Variants in ARHGEF10L observed in about 807,000 individuals in gnomAD.
ARHGEF10L encodes the protein Rho guanine nucleotide exchange factor 10 like, also known as rho guanine nucleotide exchange factor 10-like protein.
In ARHGEF10L, 69 loss-of-function variants were observed where a neutral mutation model predicts 141.2. That is an observed-to-expected ratio of 0.49 (90% CI 0.40 to 0.60). ARHGEF10L has a LOEUF of 0.60. Among genes scored for constraint, ARHGEF10L ranks in the 20% least tolerant of loss-of-function variants. The probability of loss-of-function intolerance (pLI) is 0.00; values close to 1 mark genes in which losing one functional copy is unlikely to be tolerated. For synonymous variants in ARHGEF10L, 711 were observed against 718.5 expected, an observed-to-expected ratio of 0.99 and a Z score of 0.17; for missense variants, 1,482 against 1,734.3, an observed-to-expected ratio of 0.85 and a Z score of 2.58.
chr1:17,574,150 C>T (rs913476197), intron 1 of ARHGEF10L, among the ~76,000 whole-genome samples: 1 of 152,154 alleles, frequency 6.6e-6, no homozygotes, highest in Admixed American at 6.5e-5. Context: ...CCCCCTTCCA[C>T]CCTGGGCCTG....
intron 26 of ARHGEF10L, among the ~76,000 whole-genome samples, chr1:17,674,343 C>G (rs1367246001): frequency 3.3e-5 from 5 of 152,156 alleles, no homozygotes; most frequent in Non-Finnish European, 7.3e-5. Context: ...CTCCCAGGTA[C>G]CTGGGGAGAG....
At chr1:17,651,910 A>G (rs565288310) in intron 22 of ARHGEF10L, among the ~76,000 whole-genome samples, 1 of 152,146 alleles carries the variant, frequency 6.6e-6, no homozygotes, top group African/African-American at 2.4e-5. Flanking sequence ...CAGTCCAGAC[A>G]AATGTGCCCC....
chr1:17,636,269 C>T (rs2060997302), intron 18 of ARHGEF10L, among the ~76,000 whole-genome samples: 1 of 152,136 alleles, frequency 6.6e-6, no homozygotes, highest in Admixed American at 6.5e-5. Flanking sequence ...ACTGCCAGAC[C>T]CCTTCGAAAG....
chr1:17,641,515 C>T (rs771223893), intron 21 of ARHGEF10L, among the ~76,000 whole-genome samples: 1 of 151,796 alleles, frequency 6.6e-6, no homozygotes, highest in African/African-American at 2.4e-5. Flanking sequence ...CCCAGCTACT[C>T]GGGAGGCCAA....
At chr1:17,535,923 T>TC (rs1476987247), upstream of ARHGEF10L, among the ~76,000 whole-genome samples, 1 of 152,100 alleles carries the variant, frequency 6.6e-6, no homozygotes, top group Non-Finnish European at 1.5e-5. Context: ...GGACTCACAG[T>TC]CCGGGGGGGA....
At chr1:17,571,156 C>T (rs1040774209) in intron 1 of ARHGEF10L, among the ~76,000 whole-genome samples, 5 of 152,026 alleles carry the variant, frequency 3.3e-5, no homozygotes, top group Admixed American at 1.3e-4. Context: ...GGAGGAGCCG[C>T]GGTGTAGCCT....
Position 17,676,025 on chromosome 1 carries a change from T to TAG in ARHGEF10L, c.3009+11430_3009+11431insAG, listed in dbSNP as rs1412860459. Among the ~76,000 whole-genome samples the TAG allele has an allele frequency of 7.3e-3, 864 of 119,030 alleles. 8 individuals are homozygous for TAG. Among genetic ancestry groups the TAG allele is most frequent in the Non-Finnish European group, 0.012 (701 of 57,050 alleles). 78.1% of individuals were successfully genotyped at this position (119,030 alleles called of 152,430 possible). Reference sequence around the variant, plus strand: ...GGGTGCAGGTGTGGATGCAGGTATGTGTGCAGGTATGGATGCAGGTGTAGG... The same window carrying TAG: ...GGGTGCAGGTGTGGATGCAGGTATGTAGGTGCAGGTATGGATGCAGGTGTAGG... On this transcript the variant is annotated intron_variant, in intron 26 of 28. Transcript: ENST00000361221.
At chr1:17,672,293 C>T (rs1008888830) in intron 26 of ARHGEF10L, among the ~76,000 whole-genome samples, 2 of 149,030 alleles carry the variant, frequency 1.3e-5, no homozygotes, top group South Asian at 2.1e-4. Flanking sequence ...GAGTGTGATG[C>T]GGCATGAATA....
Position 17,653,605 on chromosome 1 carries a change from C to A in ARHGEF10L, c.2395-1031C>A, listed in dbSNP as rs187763360. Among the ~76,000 whole-genome samples the A allele has an allele frequency of 2.8e-3, 423 of 152,366 alleles. 3 individuals are homozygous for A. Among genetic ancestry groups the A allele is most frequent in the Admixed American group, 5.2e-3 (80 of 15,310 alleles). On this transcript the variant is annotated intron_variant, in intron 22 of 28. Coordinates refer to ENST00000361221, the MANE Select transcript of ARHGEF10L (RefSeq NM_018125.4). ...AGCCCAGAGGCCGGGCTTAGCGAAGCCCCCTGCTCTGAATGTGAGGACACA... is the reference window on the plus strand; with the variant it reads ...AGCCCAGAGGCCGGGCTTAGCGAAGACCCCTGCTCTGAATGTGAGGACACA...
In ARHGEF10L at chr1:17,602,202, G is replaced by A. The variant is rs140549549; in HGVS notation, c.333G>A (p.Arg111=). ...FSGARHSSWK[R]KSSRRIDRFT... ...GGGCCCGGCACTCCAGCTGGAAGCG[G>A]AAGAGTTCCCGTCGCAGTAAGTCTC... Residue 111 remains arginine, a synonymous_variant, in exon 5 of 29, where the codon CGG becomes CGA. Transcript: ENST00000361221. 8.2e-5 allele frequency: 129 copies of A among 1,575,330 alleles called. 1 individual carries two copies. The African/African-American group carries it at 1.6e-3, about 19-fold the overall frequency.
chr1:17,582,745 G>C (rs1312720724), intron 2 of ARHGEF10L, among the ~76,000 whole-genome samples: 1 of 152,154 alleles, frequency 6.6e-6, no homozygotes, highest in African/African-American at 2.4e-5. Flanking sequence ...CTCAGTCTCT[G>C]AGGTTTTTGG....
intron 1 of ARHGEF10L, among the ~76,000 whole-genome samples, chr1:17,545,676 T>C (rs564673258): frequency 6.6e-6 from 1 of 152,144 alleles, no homozygotes; most frequent in African/African-American, 2.4e-5. Context: ...AGAGCTGACA[T>C]AGGCAACAGT....
chr1:17,679,071 G>A (rs531951741), intron 26 of ARHGEF10L, among the ~76,000 whole-genome samples: 4 of 152,336 alleles, frequency 2.6e-5, no homozygotes, highest in Middle Eastern at 3.4e-3. Context: ...CTGGCAGGAC[G>A]TCCATCGCTC....
rs1569739303 is a variant in ARHGEF10L, at chr1:17,687,764, C to T, written c.3184+17C>T. The stretch of plus-strand genomic sequence containing the variant: ...TCCTGCCAGGTGAGGCTGCCTCGGG[C>T]ACGGGGGAGCGGACAGTCACAGAGC... On this transcript the variant is annotated intron_variant, in intron 27 of 28. Transcript: ENST00000361221. 6.4e-7 allele frequency: 1 copy of T among 1,559,638 alleles called. No individual in the cohort carries two copies. Among genetic ancestry groups the T allele is most frequent in the Non-Finnish European group, 8.7e-7 (1 of 1,151,038 alleles).
intron 27 of ARHGEF10L, among the ~76,000 whole-genome samples, chr1:17,692,314 T>G (rs1427410768): frequency 3.9e-5 from 6 of 152,158 alleles, no homozygotes; most frequent in African/African-American, 1.4e-4. Context: ...TTTTTGAGTT[T>G]GCATCATGTT....
chr1:17,689,003 C>CT (rs1165328660), intron 27 of ARHGEF10L, among the ~76,000 whole-genome samples: 2 of 152,098 alleles, frequency 1.3e-5, no homozygotes, highest in African/African-American at 4.8e-5. Context: ...GCCCCAAGTG[C>CT]TTATGTGCAG....
chr1:17,670,831 C>G (rs1483797304), intron 26 of ARHGEF10L, among the ~76,000 whole-genome samples: 1 of 152,220 alleles, frequency 6.6e-6, no homozygotes, highest in Non-Finnish European at 1.5e-5. Flanking sequence ...CATGCTGGCC[C>G]CTTCCCACCA....
At chr1:17,589,029 T>C (rs1301373722) in intron 4 of ARHGEF10L, among the ~76,000 whole-genome samples, 4 of 152,082 alleles carry the variant, frequency 2.6e-5, no homozygotes, top group Non-Finnish European at 4.4e-5. Context: ...CCCTGCCCTC[T>C]GTGCCTGGGA....
chr1:17,691,375 G>A lies in ARHGEF10L; in HGVS notation c.3184+3628G>A, dbSNP rs1421716101. ...ATTTCTCAATTCCGGCATCTCTTTCGGTTTCTTGCTTGCCTTCCTCCCATT... is the reference window on the plus strand; with the variant it reads ...ATTTCTCAATTCCGGCATCTCTTTCAGTTTCTTGCTTGCCTTCCTCCCATT... On this transcript the variant is annotated intron_variant, in intron 27 of 28. Transcript: ENST00000361221. Among the ~76,000 whole-genome samples, 18 of 152,230 alleles carry A rather than the reference G, an allele frequency of 1.2e-4. No homozygotes were observed. In the East Asian group the frequency reaches 2.1e-3, roughly 18 times the overall value.
Sources: allele counts gnomAD v4.1 joint callset (sites outside exome capture counted in the v4.1 genomes callset), GRCh38; gene constraint gnomAD v4.1.1; transcripts MANE v1.5; gene names NCBI Gene and HGNC (gene_info 2026-07-23, HGNC 2026-07-21).